NUCB1: variants seen among roughly 807,000 people sequenced by gnomAD.
NUCB1 encodes nucleobindin 1, also known as nucleobindin-1.
A neutral mutation model predicts 61.2 loss-of-function variants in NUCB1; 47 were observed. The ratio of observed to expected loss-of-function variants is 0.77; its 90% CI spans 0.61 to 0.98. The LOEUF is 0.98. Ranked by LOEUF, NUCB1 falls within the 50% of genes least tolerant of loss-of-function variation. The pLI, the probability that NUCB1 is intolerant of heterozygous loss-of-function variation, is 0.00. For missense variants in NUCB1, 583 were observed against 605.3 expected (o/e 0.96, Z 0.39); for synonymous variants, 234 against 243.1 (o/e 0.96, Z 0.35).
rs527852656 is a variant in NUCB1 at position 48,916,423 on chromosome 19, G to C, written c.758-2303G>C. ...CCTTGAGTCCAGGAGTTCAAGGCCA[G>C]CCTGGGCAACATGGCACAAACCCAT... is the stretch of plus-strand genomic sequence containing the variant. On this transcript the variant is annotated intron_variant, in intron 7 of 12. Coordinates refer to ENST00000405315, the MANE Select transcript of NUCB1 (RefSeq NM_006184.6). Among the ~76,000 whole-genome samples the C allele has an allele frequency of 3.4e-4, 51 of 151,860 alleles. No individual in the cohort carries two copies. The South Asian group carries it at 0.01, about 31-fold the overall frequency.
At position 48,901,499 on chromosome 19, in the gene NUCB1, C is replaced by T. The variant is rs374653148; in HGVS notation, c.135+568C>T. Among the ~76,000 whole-genome samples, 28 of 152,348 alleles carry T rather than the reference C, an allele frequency of 1.8e-4. 1 individual carries two copies. In the South Asian group the frequency reaches 3.3e-3, roughly 18 times the overall value. ...GCTGGTCAGGCCAGGCGCAGTGGCT[C>T]ATGCCTGTAATCCTAGCACTTTGGG... On this transcript the variant is annotated intron_variant, in intron 2 of 12. Transcript: ENST00000405315.
chr19:48,900,671 T>C, intron 1 of NUCB1, 115 bp from the exon 2 acceptor site: 3 of 1,366,628 alleles, frequency 2.2e-6, no homozygotes, highest in Non-Finnish European at 3.0e-6. Context: ...AACAAAATGC[T>C]TGTGTCTTGA....
intron 2 of NUCB1, 116 bp from the exon 3 acceptor site, chr19:48,904,231 G>T: frequency 1.6e-6 from 1 of 632,152 alleles, no homozygotes; most frequent in East Asian, 2.7e-5. Context: ...TGTGGGAAAA[G>T]GTAAAAACTG....
intron 4 of NUCB1, among the ~76,000 whole-genome samples, chr19:48,908,648 C>CGTGTGTGT (rs58211997): frequency 0.073 from 6,267 of 86,424 alleles, 435 homozygotes; most frequent in East Asian, 0.11. Context: ...TCTAGCTGCC[C>CGTGTGTGT]GTGTGTGTGT....
rs906350850 is a variant in NUCB1 at position 48,913,339 on chromosome 19, G to A, written c.667-135G>A. On this transcript the variant is annotated intron_variant, in intron 6 of 12. Transcript: ENST00000405315. ...ACTGTACCTGGCTGCCCCAGGGTCTGCTGGGAGTTGTAGTTTTCTTAGTTT... is the reference window on the plus strand; with the variant it reads ...ACTGTACCTGGCTGCCCCAGGGTCTACTGGGAGTTGTAGTTTTCTTAGTTT... The A allele has an allele frequency of 1.0e-5, 12 of 1,197,114 alleles. No individual in the cohort carries two copies. The East Asian group carries it at 2.7e-4, about 27-fold the overall frequency. 74.2% of individuals were successfully genotyped at this position (1,197,114 alleles called of 1,614,324 possible).
chr19:48,921,424 G>GTTA (rs2122213195), intron 11 of NUCB1, 100 bp downstream of exon 11: 18 of 1,312,352 alleles, frequency 1.4e-5, no homozygotes, highest in Non-Finnish European at 1.9e-5. Flanking sequence ...TGGCCACCAT[G>GTTA]TTAATCACTG....
intron 2 of NUCB1, among the ~76,000 whole-genome samples, chr19:48,903,878 A>ATGGGTGGGTGGG (rs2037382727): frequency 1.3e-5 from 1 of 79,884 alleles, no homozygotes; most frequent in Non-Finnish European, 2.2e-5. Context: ...GGATGGATGG[A>ATGGGTGGGTGGG]TGGATGGGTG....
At chr19:48,915,510 G>A (rs2037529589) in intron 7 of NUCB1, among the ~76,000 whole-genome samples, 1 of 151,876 alleles carries the variant, frequency 6.6e-6, no homozygotes, top group Admixed American at 6.6e-5. Flanking sequence ...GTCTCAAAAA[G>A]CAATAGAAAG....
At chr19:48,904,179 G>A (rs1470076567) in intron 2 of NUCB1, among the ~76,000 whole-genome samples, 168 bp from the exon 3 acceptor site, 1 of 152,132 alleles carries the variant, frequency 6.6e-6, no homozygotes, top group Non-Finnish European at 1.5e-5. Context: ...GTATTGGGCT[G>A]GGTGTTCACT....
At position 48,922,396 on chromosome 19, in the gene NUCB1, C is replaced by A; in HGVS notation, c.1358C>A (p.Pro453His). ...GAAAAGAAACTTCTCGAGCGGCTCCCTGAGGTTGAGGTGCCCCAGCATCTG... is the reference window on the plus strand; with the variant it reads ...GAAAAGAAACTTCTCGAGCGGCTCCATGAGGTTGAGGTGCCCCAGCATCTG... Reference protein sequence around the residue: ...TSEKKLLERLPEVEVPQHL With the variant: ...TSEKKLLERLHEVEVPQHL The change falls in exon 13 of 13, where the codon CCT becomes CAT. Residue 453 changes from proline (P) to histidine (H), a missense_variant. Pro to His is a moderately conservative substitution (Grantham distance 77, BLOSUM62 -2). Transcript: ENST00000405315. 1 of 1,613,804 alleles carries A rather than the reference C, an allele frequency of 6.2e-7. No homozygotes were observed. The highest frequency in any genetic ancestry group is 8.5e-7 in the Non-Finnish European group (1 of 1,179,782).
chr19:48,909,752 C>T (rs145524591), intron 4 of NUCB1, among the ~76,000 whole-genome samples: 38 of 151,858 alleles, frequency 2.5e-4, no homozygotes, highest in Admixed American at 8.5e-4. Context: ...ATGTTGCCCA[C>T]GCTGGTCTCG....
chr19:48,910,145 C>T lies in NUCB1; in HGVS notation c.377-1004C>T, dbSNP rs190667650. On this transcript the variant is annotated intron_variant, in intron 4 of 12. Coordinates refer to ENST00000405315, the MANE Select transcript of NUCB1 (RefSeq NM_006184.6). ...CCAGGCTGGTGCAGTGGCGTGATCT[C>T]GGCTCACTGCAACCTCCGCCTCCCA... Among the ~76,000 whole-genome samples, 517 of 152,114 alleles carry T rather than the reference C, an allele frequency of 3.4e-3. 3 individuals carry two copies. The highest frequency in any genetic ancestry group is 0.012 in the African/African-American group (502 of 41,548).
At position 48,911,146 on chromosome 19, in the gene NUCB1, C is replaced by T. The variant is rs751143867; in HGVS notation, c.377-3C>T. 1.2e-6 allele frequency: 2 copies of T among 1,607,626 alleles called. No homozygotes were observed. The highest frequency in any genetic ancestry group is 1.7e-6 in the Non-Finnish European group (2 of 1,174,496). On this transcript the variant is annotated splice_polypyrimidine_tract_variant and splice_region_variant and intron_variant, in intron 4 of 12. Coordinates refer to ENST00000405315, the MANE Select transcript of NUCB1 (RefSeq NM_006184.6). Reference sequence around the variant, plus strand: ...AGGTGTTGGACTCTTCCCTCTCTTCCAGATGTACAGGTGGATCATCTGAAT... The same window carrying T: ...AGGTGTTGGACTCTTCCCTCTCTTCTAGATGTACAGGTGGATCATCTGAAT...
At chr19:48,902,070 C>T (rs1046308823) in intron 2 of NUCB1, among the ~76,000 whole-genome samples, 6 of 152,140 alleles carry the variant, frequency 3.9e-5, no homozygotes, top group African/African-American at 1.4e-4. Flanking sequence ...GGGCAGGGCT[C>T]TATGAGAGTG....
In NUCB1 at chr19:48,911,199, C is replaced by T. The variant is rs1241606923; in HGVS notation, c.427C>T (p.Pro143Ser). The change falls in exon 5 of 13, where the codon CCT becomes TCT. Residue 143 changes from proline (P) to serine (S), a missense_variant. By Grantham distance (74) the Pro-to-Ser change is moderately conservative. Coordinates refer to ENST00000405315, the MANE Select transcript of NUCB1 (RefSeq NM_006184.6). ...NLLKQFEHLD[P>S]QNQHTFEARD... is the part of the protein sequence containing the mutation. ...CCTGAAACAGTTTGAACACCTGGAC[C>T]CTCAGAACCAGCATACATTCGAGGC... 6.2e-7 allele frequency: 1 copy of T among 1,613,784 alleles called. No homozygotes were observed. Among genetic ancestry groups the T allele is most frequent in the South Asian group, 1.1e-5 (1 of 91,072 alleles).
chr19:48,916,199 T>TGTGTGTGTGTGTGTGTG (rs59803850), intron 7 of NUCB1, among the ~76,000 whole-genome samples: 2 of 151,942 alleles, frequency 1.3e-5, no homozygotes, highest in African/African-American at 4.8e-5. Flanking sequence ...TGTGTGTGTG[T>TGTGTGTGTGTGTGTGTG]TTGGCTTATT....
In NUCB1 at chr19:48,905,795, G is replaced by A. The variant is rs371661389; in HGVS notation, c.286G>A (p.Val96Ile). Residue 96 changes from valine (V) to isoleucine (I), a missense_variant, in exon 4 of 13, where the codon GTC becomes ATC. Coordinates refer to ENST00000405315, the MANE Select transcript of NUCB1 (RefSeq NM_006184.6). Reference protein sequence around the residue: ...SRELDFVSHHVRTKLDELKRQ... With the variant: ...SRELDFVSHHIRTKLDELKRQ... ...AGAGCTGGACTTTGTCAGCCACCAC[G>A]TCCGCACCAAGCTGGATGAGCTCAA... is the stretch of plus-strand genomic sequence containing the variant. 9 of 1,613,912 alleles carry A rather than the reference G, an allele frequency of 5.6e-6. No homozygotes were observed. The highest frequency in any genetic ancestry group is 4.0e-5 in the African/African-American group (3 of 74,894).
In NUCB1 at chr19:48,907,607, G is replaced by C. The variant is rs375339749; in HGVS notation, c.376+1722G>C. ...TAAGGTCTTTAATGTAATCCCATCC[G>C]CCAGGACCCCTTAGCCCGGAAAGGT... On this transcript the variant is annotated intron_variant, in intron 4 of 12. Coordinates refer to ENST00000405315, the MANE Select transcript of NUCB1 (RefSeq NM_006184.6). 3.9e-5 allele frequency among the ~76,000 whole-genome samples: 6 copies of C among 152,202 alleles called. No individual in the cohort carries two copies. In the East Asian group the frequency reaches 7.7e-4, roughly 20 times the overall value.
At chr19:48,904,523 G>GTT in intron 3 of NUCB1, 69 bp downstream of exon 3, 2 of 904,230 alleles carry the variant, frequency 2.2e-6, no homozygotes, top group African/African-American at 1.8e-5. Flanking sequence ...GGGAGGACTG[G>GTT]TTTCTTTTTT....
Sources: gnomAD v4.1 joint callset for allele counts (sites outside exome capture counted in the v4.1 genomes callset) on GRCh38, gnomAD v4.1.1 for gene constraint, MANE v1.5 for transcripts, NCBI Gene and HGNC (gene_info 2026-07-23, HGNC 2026-07-21) for gene names.